SORCS1: variants seen among roughly 807,000 people sequenced by gnomAD.
SORCS1 encodes the protein sortilin related VPS10 domain containing receptor 1, also known as VPS10 domain-containing receptor SorCS1.
In SORCS1, 60 loss-of-function variants were observed where a neutral mutation model predicts 146.1. The observed-to-expected ratio is 0.41, with a 90% CI of 0.33 to 0.51. The LOEUF (loss-of-function observed/expected upper bound fraction) is 0.51, where lower values mean the gene tolerates loss of function less well. SORCS1 is among the 20% of genes least tolerant of loss of function. The pLI is 0.21. For missense variants in SORCS1, 1,352 were observed against 1,487.6 expected (o/e 0.91, Z 1.50); for synonymous variants, 637 against 584.0 (o/e 1.09, Z -1.31).
At chr10:106,694,505 C>A (rs182362828) in intron 9 of SORCS1, among the ~76,000 whole-genome samples, 1 of 152,168 alleles carries the variant, frequency 6.6e-6, no homozygotes, top group Non-Finnish European at 1.5e-5. Context: ...CCTCTGCCTC[C>A]TAAAGTGCTG....
intron 2 of SORCS1, among the ~76,000 whole-genome samples, chr10:106,896,786 CAGTGTT>C (rs1273060042): frequency 2.0e-5 from 3 of 151,644 alleles, no homozygotes; most frequent in Non-Finnish European, 2.9e-5. Context: ...AACTGAAGCT[CAGTGTT>C]AGAGTTCACA....
intron 2 of SORCS1, among the ~76,000 whole-genome samples, chr10:106,866,797 C>T (rs1950235344): frequency 6.6e-6 from 1 of 152,216 alleles, no homozygotes; most frequent in South Asian, 2.1e-4. Context: ...CAAATAAAAA[C>T]GCTGCAGAAA....
chr10:106,782,733 C>A (rs778174558), intron 3 of SORCS1, among the ~76,000 whole-genome samples: 1 of 152,216 alleles, frequency 6.6e-6, no homozygotes, highest in Non-Finnish European at 1.5e-5. Context: ...CGTACAAACA[C>A]TATTTTACTG....
At chr10:106,812,222 G>T (rs544445659) in intron 3 of SORCS1, among the ~76,000 whole-genome samples, 1 of 152,026 alleles carries the variant, frequency 6.6e-6, no homozygotes, top group South Asian at 2.1e-4. Context: ...GGATGGTCTC[G>T]ATCTCCTGAC....
chr10:107,179,316 A>G, the SORCS1 span, among the ~76,000 whole-genome samples: 32,853 of 152,116 alleles, frequency 0.22, 3,607 homozygotes, highest in African/African-American at 0.24. Flanking sequence ...GAGGTGCTAG[A>G]TATGTTAATT....
intron 2 of SORCS1, among the ~76,000 whole-genome samples, chr10:106,839,345 T>C (rs1948922249): frequency 6.6e-6 from 1 of 152,212 alleles, no homozygotes; most frequent in Non-Finnish European, 1.5e-5. Flanking sequence ...GAGAAAGTTT[T>C]AGTGGTCTGG....
chr10:107,106,490 T>C (rs549445102), intron 1 of SORCS1, among the ~76,000 whole-genome samples: 202 of 152,322 alleles, frequency 1.3e-3, no homozygotes, highest in Non-Finnish European at 2.2e-3. Flanking sequence ...GAAGAAGTGC[T>C]TTTCTTTTAC....
chr10:106,763,070 A>G (rs984406175), intron 4 of SORCS1, among the ~76,000 whole-genome samples: 87 of 152,252 alleles, frequency 5.7e-4, no homozygotes, highest in African/African-American at 2.0e-3. Context: ...TGGTGTGCCT[A>G]TGTCATATAG....
chr10:106,703,687 T>A lies in SORCS1; in HGVS notation c.1233+2858A>T, dbSNP rs117285634. On this transcript the variant is annotated intron_variant, in intron 8 of 25. Transcript: ENST00000263054. Reference sequence around the variant, plus strand: ...GCATAAAAGTGCTGGTTTGTCTCAATTCCTTTGGTCGGCATGAAGCTTTGT... The same window carrying A: ...GCATAAAAGTGCTGGTTTGTCTCAAATCCTTTGGTCGGCATGAAGCTTTGT... Among the ~76,000 whole-genome samples the A allele has an allele frequency of 5.6e-4, 85 of 152,358 alleles. 3 individuals are homozygous for A. In the East Asian group the frequency reaches 0.015, roughly 28 times the overall value.
At position 106,623,409 on chromosome 10, in the gene SORCS1, G is replaced by C. The variant is rs145917892; in HGVS notation, c.2663-2848C>G. Among the ~76,000 whole-genome samples the C allele has an allele frequency of 2.7e-3, 407 of 152,048 alleles. 3 individuals carry two copies. Among genetic ancestry groups the C allele is most frequent in the Middle Eastern group, 0.02 (6 of 294 alleles). ...CTACAGACACACACCACCATGCCTGGCTAATTTTTGATTTTTAGTAGAGAC... is the reference window on the plus strand; with the variant it reads ...CTACAGACACACACCACCATGCCTGCCTAATTTTTGATTTTTAGTAGAGAC... On this transcript the variant is annotated intron_variant, in intron 19 of 25. Transcript: ENST00000263054.
intron 2 of SORCS1, among the ~76,000 whole-genome samples, chr10:106,929,574 A>G (rs998199445): frequency 6.6e-6 from 1 of 152,222 alleles, no homozygotes. Context: ...CTTCTGGAAA[A>G]GCAGATCAAC....
chr10:106,807,374 A>T (rs1163158827), intron 3 of SORCS1, among the ~76,000 whole-genome samples: 1 of 152,210 alleles, frequency 6.6e-6, no homozygotes, highest in Non-Finnish European at 1.5e-5. Flanking sequence ...AGACATGATA[A>T]AATAAATTGT....
At chr10:106,891,758 A>AT (rs1951247045) in intron 2 of SORCS1, among the ~76,000 whole-genome samples, 1 of 152,038 alleles carries the variant, frequency 6.6e-6, no homozygotes, top group African/African-American at 2.4e-5. Flanking sequence ...ATCAAAGAAG[A>AT]TTTTTGTCTT....
chr10:106,724,361 G>A lies in SORCS1; in HGVS notation c.1024+5689C>T, dbSNP rs538843839. Among the ~76,000 whole-genome samples, 43 of 152,082 alleles carry A rather than the reference G, an allele frequency of 2.8e-4. No individual in the cohort carries two copies. In the South Asian group the frequency reaches 8.7e-3, roughly 31 times the overall value. On this transcript the variant is annotated intron_variant, in intron 6 of 25. Coordinates refer to ENST00000263054, the MANE Select transcript of SORCS1 (RefSeq NM_052918.5). Reference sequence around the variant, plus strand: ...ATCTCTACTAAAAATACCAAAATTAGCTGGGCGTGGTGGTGTGCACCTGTA... The same window carrying A: ...ATCTCTACTAAAAATACCAAAATTAACTGGGCGTGGTGGTGTGCACCTGTA...
chr10:106,630,271 T>C (rs1014934597), intron 18 of SORCS1, among the ~76,000 whole-genome samples: 1 of 152,230 alleles, frequency 6.6e-6, no homozygotes, highest in South Asian at 2.1e-4. Flanking sequence ...TAATGGTTAA[T>C]TCTTTTATGC....
chr10:107,124,820 G>A (rs910694343), intron 1 of SORCS1, among the ~76,000 whole-genome samples: 1 of 152,112 alleles, frequency 6.6e-6, no homozygotes, highest in African/African-American at 2.4e-5. Flanking sequence ...AAAACTCACA[G>A]AGCAGACAGC....
chr10:106,604,085 C>T (rs1430222135), intron 23 of SORCS1, among the ~76,000 whole-genome samples: 1 of 152,126 alleles, frequency 6.6e-6, no homozygotes, highest in African/African-American at 2.4e-5. Flanking sequence ...GTTGGGGATG[C>T]CTGTGGCCAT....
rs756913568 is a variant in SORCS1, at chr10:106,829,667, G to A, written c.633C>T (p.Thr211=). ...SITESSLWRS[T]DYGTTYEKLN... The stretch of plus-strand genomic sequence containing the variant: ...GCTTCTCATAGGTTGTTCCATAATC[G>A]GTTGACCTATAATCCAAAAAGAGCA... Residue 211 remains threonine, a synonymous_variant, in exon 3 of 26, where the codon ACC becomes ACT. Transcript: ENST00000263054. 22 of 1,601,946 alleles carry A rather than the reference G, an allele frequency of 1.4e-5. No individual in the cohort carries two copies. The highest frequency in any genetic ancestry group is 5.4e-5 in the African/African-American group (4 of 74,734).
chr10:106,797,902 A>G (rs1172280147), intron 3 of SORCS1, among the ~76,000 whole-genome samples: 2 of 152,214 alleles, frequency 1.3e-5, no homozygotes, highest in African/African-American at 2.4e-5. Context: ...AACCGTAGGC[A>G]GAGATGGGCT....
Sources: gnomAD v4.1 joint callset for allele counts (sites outside exome capture counted in the v4.1 genomes callset) on GRCh38, gnomAD v4.1.1 for gene constraint, MANE v1.5 for transcripts, NCBI Gene and HGNC (gene_info 2026-07-23, HGNC 2026-07-21) for gene names.